Variants in CHRM3 observed in about 807,000 individuals in gnomAD.
The protein encoded by CHRM3 is cholinergic receptor muscarinic 3, also known as muscarinic acetylcholine receptor M3.
A neutral mutation model predicts 41.8 loss-of-function variants in CHRM3; 11 were observed. That is an observed-to-expected ratio of 0.26 (90% CI 0.17 to 0.44). The LOEUF (loss-of-function observed/expected upper bound fraction) is 0.44, where lower values mean the gene tolerates loss of function less well. CHRM3 is among the 20% of genes least tolerant of loss of function. CHRM3 has a pLI of 1.00. For missense variants in CHRM3, 571 were observed against 745.4 expected (o/e 0.77, Z 2.72); for synonymous variants, 297 against 301.4 (o/e 0.99, Z 0.15).
At chr1:239,465,878 C>T (rs770015612) in intron 1 of CHRM3, among the ~76,000 whole-genome samples, 1 of 152,144 alleles carries the variant, frequency 6.6e-6, no homozygotes, top group Admixed American at 6.5e-5. Context: ...CCTCTTTCAC[C>T]CCTGCTATCC....
chr1:239,885,606 T>C (rs896380931), intron 6 of CHRM3, among the ~76,000 whole-genome samples: 1 of 152,202 alleles, frequency 6.6e-6, no homozygotes, highest in Non-Finnish European at 1.5e-5. Context: ...AATAACTTTG[T>C]TGCCAAACAA....
chr1:239,462,438 C>A (rs1041547429), intron 1 of CHRM3, among the ~76,000 whole-genome samples: 1 of 152,066 alleles, frequency 6.6e-6, no homozygotes, highest in African/African-American at 2.4e-5. Flanking sequence ...TATTGTTGTT[C>A]TTCTGCCAGA....
chr1:239,555,951 T>G (rs1660309369), intron 3 of CHRM3, among the ~76,000 whole-genome samples: 1 of 152,180 alleles, frequency 6.6e-6, no homozygotes, highest in Admixed American at 6.5e-5. Flanking sequence ...CTGAGATGGT[T>G]TTCGAACTAG....
chr1:239,832,405 G>A (rs912401294), intron 6 of CHRM3, among the ~76,000 whole-genome samples: 4 of 152,090 alleles, frequency 2.6e-5, no homozygotes, highest in South Asian at 4.1e-4. Flanking sequence ...CCTAGTATTC[G>A]TCTTCATTCT....
At chr1:239,542,623 G>C (rs551467214) in intron 2 of CHRM3, among the ~76,000 whole-genome samples, 1 of 152,250 alleles carries the variant, frequency 6.6e-6, no homozygotes, top group East Asian at 1.9e-4. Flanking sequence ...TGAATATGAG[G>C]CCAGCTGTCC....
chr1:239,716,765 TAGA>T (rs1366414743), intron 5 of CHRM3, among the ~76,000 whole-genome samples: 2 of 152,134 alleles, frequency 1.3e-5, no homozygotes, highest in African/African-American at 4.8e-5. Context: ...AAAACCTTGC[TAGA>T]AGAAGGGAGG....
intron 6 of CHRM3, chr1:239,899,650 A>C (rs779485638): frequency 5.9e-5 from 9 of 152,048 alleles, no homozygotes; most frequent in Non-Finnish European, 1.0e-4. Flanking sequence ...AAGTATACTA[A>C]GTACATAGTA....
At chr1:239,791,227 C>A (rs1161731653) in intron 5 of CHRM3, among the ~76,000 whole-genome samples, 3 of 152,254 alleles carry the variant, frequency 2.0e-5, no homozygotes, top group South Asian at 4.1e-4. Flanking sequence ...GCCTCAGGCA[C>A]CTGAGTAGCT....
At position 239,644,454 on chromosome 1, in the gene CHRM3, C is replaced by T. The variant is rs555505901; in HGVS notation, c.-250+12168C>T. On this transcript the variant is annotated intron_variant, in intron 4 of 6. Coordinates refer to ENST00000676153, the MANE Select transcript of CHRM3 (RefSeq NM_001375978.1). ...ACAACTTCTCCCCACGTCGTCATGC[C>T]TATCCCTTGATCACAAATGTATTTG... Among the ~76,000 whole-genome samples the T allele has an allele frequency of 2.6e-3, 395 of 152,312 alleles. 1 individual carries two copies. Among genetic ancestry groups the T allele is most frequent in the Non-Finnish European group, 4.5e-3 (306 of 68,030 alleles).
chr1:239,478,324 C>T (rs75056001), intron 1 of CHRM3, among the ~76,000 whole-genome samples: 4,592 of 152,234 alleles, frequency 0.03, 176 homozygotes, highest in African/African-American at 0.086. Flanking sequence ...TTGTTACTTT[C>T]AGTCCCAACT....
intron 5 of CHRM3, among the ~76,000 whole-genome samples, chr1:239,798,333 A>G (rs989333673): frequency 3.9e-5 from 6 of 152,136 alleles, no homozygotes; most frequent in African/African-American, 1.4e-4. Flanking sequence ...TGGGTTTTCG[A>G]TTGATGGAAG....
At chr1:239,834,898 C>G (rs1017073722) in intron 6 of CHRM3, among the ~76,000 whole-genome samples, 1 of 152,134 alleles carries the variant, frequency 6.6e-6, no homozygotes, top group African/African-American at 2.4e-5. Flanking sequence ...ATGTTTTTTA[C>G]ATAAATATAT....
chr1:239,476,912 A>G (rs1435914331), intron 1 of CHRM3, among the ~76,000 whole-genome samples: 3 of 152,204 alleles, frequency 2.0e-5, no homozygotes, highest in African/African-American at 7.2e-5. Flanking sequence ...CAGGAAACAC[A>G]GGGAAAATAA....
intron 1 of CHRM3, among the ~76,000 whole-genome samples, chr1:239,400,934 G>C (rs926864459): frequency 6.6e-6 from 1 of 152,124 alleles, no homozygotes. Context: ...AGCTTAAACA[G>C]CTGATGATGT....
chr1:239,827,447 T>C (rs973513877), intron 6 of CHRM3, 69 bp downstream of exon 6: 59 of 152,364 alleles, frequency 3.9e-4, no homozygotes, highest in African/African-American at 1.2e-3. Flanking sequence ...ACAAATTGCC[T>C]TTTTGTATTC....
intron 6 of CHRM3, among the ~76,000 whole-genome samples, chr1:239,901,819 G>C (rs965839665): frequency 6.6e-6 from 1 of 152,026 alleles, no homozygotes; most frequent in African/African-American, 2.4e-5. Flanking sequence ...AATAGCCTTG[G>C]GCGTGTCTCC....
chr1:239,761,385 C>G (rs1173372664), intron 5 of CHRM3, among the ~76,000 whole-genome samples: 2 of 152,086 alleles, frequency 1.3e-5, no homozygotes, highest in Admixed American at 6.5e-5. Context: ...CTGATTGATT[C>G]TTTTTCTCTT....
At chr1:239,630,928 G>A (rs1669749927) in intron 3 of CHRM3, among the ~76,000 whole-genome samples, 1 of 152,084 alleles carries the variant, frequency 6.6e-6, no homozygotes, top group Admixed American at 6.6e-5. Context: ...GGAGATCTTG[G>A]GAGAGGAGGA....
At chr1:239,433,566 G>A (rs529692180) in intron 1 of CHRM3, among the ~76,000 whole-genome samples, 9 of 152,106 alleles carry the variant, frequency 5.9e-5, no homozygotes, top group Non-Finnish European at 1.0e-4. Context: ...CATCACCCAA[G>A]CAGTATACAC....
Sources: gnomAD v4.1 joint callset for allele counts (sites outside exome capture counted in the v4.1 genomes callset) on GRCh38, gnomAD v4.1.1 for gene constraint, MANE v1.5 for transcripts, NCBI Gene and HGNC (gene_info 2026-07-23, HGNC 2026-07-21) for gene names.